The following STAG1 variants were observed in gnomAD, a reference collection of about 807,000 sequenced individuals.
The protein encoded by STAG1 is STAG1 cohesin complex component.
STAG1 carries 26 observed loss-of-function variants against 170.9 expected under a neutral mutation model. That is an observed-to-expected ratio of 0.15 (90% CI 0.11 to 0.21). The LOEUF is 0.21. STAG1 is among the 10% of genes least tolerant of loss of function. STAG1 has a pLI of 1.00. For missense variants in STAG1, 964 were observed against 1,509.5 expected, an observed-to-expected ratio of 0.64 and a Z score of 5.99; for synonymous variants, 514 against 497.7, an observed-to-expected ratio of 1.03 and a Z score of -0.44.
intron 32 of STAG1, among the ~76,000 whole-genome samples, chr3:136,340,026 T>C (rs1333637121): frequency 1.3e-5 from 2 of 152,216 alleles, no homozygotes; most frequent in Non-Finnish European, 2.9e-5. Flanking sequence ...TATCAGAATT[T>C]AAAATATGAC....
intron 4 of STAG1, among the ~76,000 whole-genome samples, chr3:136,583,221 A>T (rs1268677462): frequency 6.6e-6 from 1 of 152,222 alleles, no homozygotes; most frequent in Non-Finnish European, 1.5e-5. Context: ...ATGCTTAAGA[A>T]GGTATTGCCT....
chr3:136,453,350 G>T (rs1173449603), intron 13 of STAG1, among the ~76,000 whole-genome samples: 8 of 152,090 alleles, frequency 5.3e-5, no homozygotes, highest in African/African-American at 1.9e-4. Flanking sequence ...CCAGCTCTTT[G>T]GGAGGCCGAG....
intron 15 of STAG1, among the ~76,000 whole-genome samples, chr3:136,439,564 C>T (rs73224201): frequency 0.061 from 9,298 of 152,052 alleles, 372 homozygotes; most frequent in Non-Finnish European, 0.094. Context: ...GCCTTCTCCA[C>T]TGGAATTCTA....
intron 5 of STAG1, among the ~76,000 whole-genome samples, chr3:136,555,963 T>TA (rs906591001): frequency 6.6e-6 from 1 of 151,976 alleles, no homozygotes; most frequent in African/African-American, 2.4e-5. Context: ...GATACAGATA[T>TA]AAAAACCCTA....
chr3:136,682,807 A>G (rs925669180), intron 1 of STAG1, among the ~76,000 whole-genome samples: 1 of 152,184 alleles, frequency 6.6e-6, no homozygotes, highest in Non-Finnish European at 1.5e-5. Flanking sequence ...TCTCCAAGAG[A>G]TATTTATACA....
chr3:136,421,234 A>T (rs2087948896), intron 19 of STAG1, 71 bp from the exon 20 acceptor site: 1 of 942,402 alleles, frequency 1.1e-6, no homozygotes. Flanking sequence ...TTATTGCCTA[A>T]ATAAAAATTC....
chr3:136,699,735 C>T (rs1230751391), intron 1 of STAG1, among the ~76,000 whole-genome samples: 5 of 151,904 alleles, frequency 3.3e-5, no homozygotes, highest in African/African-American at 1.2e-4. Flanking sequence ...CAGGACACAT[C>T]CTTTGTGTAT....
intron 1 of STAG1, among the ~76,000 whole-genome samples, chr3:136,711,809 A>G (rs192419063): frequency 6.6e-6 from 1 of 152,184 alleles, no homozygotes; most frequent in Non-Finnish European, 1.5e-5. Flanking sequence ...TGAAAAAAAA[A>G]TAAAACTTGA....
intron 1 of STAG1, among the ~76,000 whole-genome samples, chr3:136,751,364 T>C (rs1477770170): frequency 6.6e-6 from 1 of 152,104 alleles, no homozygotes; most frequent in Non-Finnish European, 1.5e-5. Flanking sequence ...AAGAACCCAG[T>C]TCGGACCCTG....
At chr3:136,405,585 G>C (rs2087458071) in intron 21 of STAG1, among the ~76,000 whole-genome samples, 1 of 151,520 alleles carries the variant, frequency 6.6e-6, no homozygotes, top group East Asian at 1.9e-4. Context: ...GCCAGGTGTG[G>C]TGGTTCATGC....
At chr3:136,627,179 A>G (rs1940142983) in intron 2 of STAG1, among the ~76,000 whole-genome samples, 1 of 152,248 alleles carries the variant, frequency 6.6e-6, no homozygotes, top group South Asian at 2.1e-4. Flanking sequence ...ATTGCCAACA[A>G]ACAGCTAATG....
At chr3:136,545,242 G>C (rs1262061017) in intron 5 of STAG1, among the ~76,000 whole-genome samples, 1 of 152,052 alleles carries the variant, frequency 6.6e-6, no homozygotes, top group African/African-American at 2.4e-5. Context: ...AATAAGTTTT[G>C]TATTTTTAGT....
chr3:136,350,189 T>C (rs189836977), intron 28 of STAG1, among the ~76,000 whole-genome samples: 16 of 152,188 alleles, frequency 1.1e-4, no homozygotes, highest in Admixed American at 2.6e-4. Context: ...GCAAAAGTTT[T>C]GTAGCATTTG....
chr3:136,530,013 C>T (rs541115059), intron 6 of STAG1, among the ~76,000 whole-genome samples: 7 of 152,148 alleles, frequency 4.6e-5, no homozygotes, highest in African/African-American at 1.4e-4. Context: ...TGTAAAGACA[C>T]ATACAGACTG....
intron 15 of STAG1, 142 bp from the exon 16 acceptor site, chr3:136,433,801 T>G (rs1365250422): frequency 8.8e-6 from 3 of 341,608 alleles, no homozygotes; most frequent in Non-Finnish European, 1.6e-5. Context: ...TACTTTGCTA[T>G]TTTTTTTTTT....
intron 23 of STAG1, among the ~76,000 whole-genome samples, chr3:136,371,673 C>T (rs1035410674): frequency 5.3e-5 from 8 of 152,056 alleles, no homozygotes; most frequent in South Asian, 4.2e-4. Flanking sequence ...TGTAGATATG[C>T]GGCATTATTT....
chr3:136,402,830 G>GA (rs1177716822), intron 21 of STAG1, among the ~76,000 whole-genome samples: 17 of 149,552 alleles, frequency 1.1e-4, no homozygotes, highest in East Asian at 7.9e-4. Flanking sequence ...GTCTAAAAAA[G>GA]AAAAAAAAAT....
chr3:136,470,710 A>G (rs1307709669), intron 12 of STAG1, among the ~76,000 whole-genome samples: 2 of 152,166 alleles, frequency 1.3e-5, no homozygotes, highest in Admixed American at 6.6e-5. Flanking sequence ...CACTATTCAC[A>G]ATAGCAAAGA....
At chr3:136,353,710 T>C (rs1448651832) in intron 28 of STAG1, among the ~76,000 whole-genome samples, 4 of 152,190 alleles carry the variant, frequency 2.6e-5, no homozygotes, top group African/African-American at 9.7e-5. Flanking sequence ...AGAGAATCTG[T>C]TGCTATCAGA....
Sources: allele counts gnomAD v4.1 joint callset (sites outside exome capture counted in the v4.1 genomes callset), GRCh38; gene constraint gnomAD v4.1.1; transcripts MANE v1.5; gene names NCBI Gene and HGNC (gene_info 2026-07-23, HGNC 2026-07-21).